The following CLSTN2 variants were observed in gnomAD, a reference collection of about 807,000 sequenced individuals.
The protein encoded by CLSTN2 is calsyntenin-2.
A neutral mutation model predicts 101.2 loss-of-function variants in CLSTN2; 48 were observed. The ratio of observed to expected loss-of-function variants is 0.47; its 90% CI spans 0.38 to 0.60. CLSTN2 has a LOEUF of 0.60. Ranked by LOEUF, CLSTN2 falls within the 20% of genes least tolerant of loss-of-function variation. The pLI, the probability that CLSTN2 is intolerant of heterozygous loss-of-function variation, is 0.00. For missense variants in CLSTN2, 1,160 were observed against 1,238.2 expected, an observed-to-expected ratio of 0.94 and a Z score of 0.95; for synonymous variants, 481 against 463.6, an observed-to-expected ratio of 1.04 and a Z score of -0.48.
intron 1 of CLSTN2, among the ~76,000 whole-genome samples, chr3:140,064,059 T>G (rs1329112349): frequency 1.3e-5 from 2 of 152,152 alleles, no homozygotes; most frequent in African/African-American, 4.8e-5. Context: ...ACCTTATACC[T>G]GCCCGGTGAG....
intron 2 of CLSTN2, among the ~76,000 whole-genome samples, chr3:140,358,827 AAG>A (rs1389414462): frequency 6.6e-6 from 1 of 152,054 alleles, no homozygotes; most frequent in African/African-American, 2.4e-5. Flanking sequence ...GACACCTGGG[AAG>A]AGAGAGGCGG....
intron 2 of CLSTN2, among the ~76,000 whole-genome samples, chr3:140,375,105 C>CTGAGGGGAGATGTAGT (rs2087902481): frequency 6.6e-6 from 1 of 152,068 alleles, no homozygotes; most frequent in Non-Finnish European, 1.5e-5. Flanking sequence ...CAAAATGTAG[C>CTGAGGGGAGATGTAGT]TGAGGGGAGA....
intron 8 of CLSTN2, among the ~76,000 whole-genome samples, chr3:140,470,113 A>G (rs1315428160): frequency 1.3e-5 from 2 of 152,210 alleles, no homozygotes; most frequent in Admixed American, 1.3e-4. Flanking sequence ...TACCTTGGGA[A>G]TTTCAGCATT....
intron 5 of CLSTN2, among the ~76,000 whole-genome samples, chr3:140,426,938 G>C (rs954614018): frequency 1.4e-4 from 22 of 152,182 alleles, no homozygotes; most frequent in African/African-American, 5.3e-4. Context: ...ACTTTGGGAG[G>C]CCGAGGCGGG....
rs535985521 is a variant in CLSTN2 at position 140,562,870 on chromosome 3, C to T, written c.2272C>T (p.Arg758Cys). The T allele has an allele frequency of 1.9e-5, 31 of 1,614,146 alleles. No individual in the cohort carries two copies. Among genetic ancestry groups the T allele is most frequent in the Middle Eastern group, 3.3e-4 (2 of 6,056 alleles). Residue 758 changes from arginine to cysteine, a missense_variant, in exon 14 of 17, where the codon CGT becomes TGT. Coordinates refer to ENST00000458420, the MANE Select transcript of CLSTN2 (RefSeq NM_022131.3). ...ACATCACATCCGCTACCGCAACTGG[C>T]GTCCGGCTTCCCTTGAGGCCCGGCG... ...VLHHIRYRNW[R>C]PASLEARRFR...
At chr3:139,990,269 T>A (rs1459410182) in intron 1 of CLSTN2, among the ~76,000 whole-genome samples, 2 of 152,086 alleles carry the variant, frequency 1.3e-5, no homozygotes, top group Non-Finnish European at 2.9e-5. Flanking sequence ...ACTGCTAAAA[T>A]ACCATGAAGA....
At chr3:140,237,280 A>T (rs978754749) in intron 2 of CLSTN2, among the ~76,000 whole-genome samples, 11 of 152,066 alleles carry the variant, frequency 7.2e-5, no homozygotes, top group Admixed American at 5.9e-4. Context: ...CTGACGCAAT[A>T]CTCCATGTGT....
intron 1 of CLSTN2, among the ~76,000 whole-genome samples, chr3:140,013,774 T>C (rs1040121944): frequency 3.3e-5 from 5 of 152,228 alleles, no homozygotes; most frequent in Admixed American, 3.3e-4. Context: ...TAGTTGAATA[T>C]ATAAGCTGAC....
Position 140,117,597 on chromosome 3 carries a change from A to G in CLSTN2, c.110-58354A>G, listed in dbSNP as rs143118466. On this transcript the variant is annotated intron_variant, in intron 1 of 16. Transcript: ENST00000458420. ...GGTAGGAGAGGGGAAGCAGATATCAATTTTCTATAAACAATACTTACTGTT... is the reference window on the plus strand; with the variant it reads ...GGTAGGAGAGGGGAAGCAGATATCAGTTTTCTATAAACAATACTTACTGTT... Among the ~76,000 whole-genome samples, 793 of 152,264 alleles carry G rather than the reference A, an allele frequency of 5.2e-3. 11 individuals carry two copies. The highest frequency in any genetic ancestry group is 0.018 in the African/African-American group (746 of 41,552).
At chr3:140,182,444 TG>T (rs2010422871) in intron 2 of CLSTN2, among the ~76,000 whole-genome samples, 1 of 152,156 alleles carries the variant, frequency 6.6e-6, no homozygotes, top group Non-Finnish European at 1.5e-5. Context: ...TTCAGGATCA[TG>T]GGCACAGGAC....
chr3:140,058,767 T>C (rs950794734), intron 1 of CLSTN2, among the ~76,000 whole-genome samples: 7 of 146,280 alleles, frequency 4.8e-5, no homozygotes, highest in African/African-American at 1.3e-4. Context: ...CTAGACACTA[T>C]TGGGACCCAT....
chr3:140,488,725 G>T (rs1486664558), intron 8 of CLSTN2, among the ~76,000 whole-genome samples: 2 of 131,912 alleles, frequency 1.5e-5, no homozygotes, highest in Non-Finnish European at 3.1e-5. Context: ...CTGGCAAACA[G>T]AAGTATGGCA....
intron 1 of CLSTN2, among the ~76,000 whole-genome samples, chr3:139,959,795 C>T (rs1217076874): frequency 6.6e-6 from 1 of 152,132 alleles, no homozygotes; most frequent in African/African-American, 2.4e-5. Flanking sequence ...TACAACTTCT[C>T]TCTGCAGCAC....
chr3:140,151,438 G>A (rs2009863881), intron 1 of CLSTN2, among the ~76,000 whole-genome samples: 1 of 151,940 alleles, frequency 6.6e-6, no homozygotes, highest in African/African-American at 2.4e-5. Context: ...GCAATAAGTG[G>A]GAATTACAGA....
At chr3:140,317,074 G>A (rs1315923615) in intron 2 of CLSTN2, among the ~76,000 whole-genome samples, 1 of 152,190 alleles carries the variant, frequency 6.6e-6, no homozygotes, top group East Asian at 1.9e-4. Context: ...GGTATTTCCA[G>A]TTGAGAGTTT....
chr3:140,011,474 G>A (rs765685850), intron 1 of CLSTN2, among the ~76,000 whole-genome samples: 69 of 152,152 alleles, frequency 4.5e-4, no homozygotes, highest in Admixed American at 1.3e-4. Flanking sequence ...TATGTGCTAT[G>A]TGACCAGACC....
chr3:139,942,190 A>G (rs1340269747), intron 1 of CLSTN2, among the ~76,000 whole-genome samples: 4 of 152,136 alleles, frequency 2.6e-5, no homozygotes, highest in African/African-American at 7.2e-5. Flanking sequence ...CTTGGATTTT[A>G]CTTCAAAATT....
chr3:140,318,519 G>A (rs2087251383), intron 2 of CLSTN2, among the ~76,000 whole-genome samples: 1 of 152,184 alleles, frequency 6.6e-6, no homozygotes, highest in African/African-American at 2.4e-5. Context: ...ATGTCTAGGA[G>A]ATTATCAAGG....
chr3:140,073,065 A>G (rs1248178830), intron 1 of CLSTN2, among the ~76,000 whole-genome samples: 4 of 152,244 alleles, frequency 2.6e-5, no homozygotes, highest in Non-Finnish European at 4.4e-5. Flanking sequence ...GTAAACACAA[A>G]CACGAATGGT....
Sources: gnomAD v4.1 joint callset for allele counts (sites outside exome capture counted in the v4.1 genomes callset) on GRCh38, gnomAD v4.1.1 for gene constraint, MANE v1.5 for transcripts, NCBI Gene and HGNC (gene_info 2026-07-23, HGNC 2026-07-21) for gene names.